LEP: variants seen among roughly 807,000 people sequenced by gnomAD.
LEP encodes the protein leptin (murine obesity homolog).
LEP carries 6 observed loss-of-function variants against 9.8 expected under a neutral mutation model. That is an observed-to-expected ratio of 0.61 (90% CI 0.34 to 1.21). LEP has a LOEUF of 1.21. LEP is among the 50% of genes most tolerant of loss of function. The pLI, the probability that LEP is intolerant of heterozygous loss-of-function variation, is 0.04. For synonymous variants in LEP, 112 were observed against 81.7 expected, an observed-to-expected ratio of 1.37 and a Z score of -2.00; for missense variants, 134 against 198.1, an observed-to-expected ratio of 0.68 and a Z score of 1.94.
At chr7:128,254,282 G>A in intron 2 of LEP, 122 bp from the exon 3 acceptor site, 1 of 1,294,802 alleles carries the variant, frequency 7.7e-7, no homozygotes, top group African/African-American at 1.5e-5. Flanking sequence ...CCAAAGTGGT[G>A]AGGGAGGGTG....
intron 2 of LEP, among the ~76,000 whole-genome samples, chr7:128,252,978 C>A (rs1418152682): frequency 6.6e-6 from 1 of 152,162 alleles, no homozygotes; most frequent in Non-Finnish European, 1.5e-5. Flanking sequence ...CAAGGGGAAA[C>A]CCAGGCCTCA....
chr7:128,253,556 AT>A (rs1244149517), intron 2 of LEP, among the ~76,000 whole-genome samples: 1 of 152,188 alleles, frequency 6.6e-6, no homozygotes, highest in Non-Finnish European at 1.5e-5. Context: ...AGCTAAAGCA[AT>A]TGAATCCTCC....
chr7:128,254,329 C>T (rs1032820234), intron 2 of LEP, 75 bp from the exon 3 acceptor site: 21 of 1,589,934 alleles, frequency 1.3e-5, no homozygotes, highest in Admixed American at 6.7e-5. Flanking sequence ...TCCATGCCCA[C>T]GGGGAAGGCA....
intron 1 of LEP, among the ~76,000 whole-genome samples, chr7:128,250,391 T>A (rs952763109): frequency 2.0e-5 from 3 of 152,260 alleles, no homozygotes; most frequent in African/African-American, 7.2e-5. Context: ...GCAGGGTATT[T>A]GTTTCCAAAT....
At chr7:128,253,063 C>T (rs145691400) in intron 2 of LEP, among the ~76,000 whole-genome samples, 2,190 of 152,238 alleles carry the variant, frequency 0.014, 21 homozygotes, top group Non-Finnish European at 0.022. Context: ...ACCTTCTGCG[C>T]TCGCCTTCCT....
intron 1 of LEP, among the ~76,000 whole-genome samples, chr7:128,243,680 G>A (rs991293577): frequency 2.0e-5 from 3 of 152,158 alleles, no homozygotes; most frequent in Admixed American, 6.5e-5. Context: ...TTCCTGCTGG[G>A]CCAAAGTGAA....
intron 1 of LEP, among the ~76,000 whole-genome samples, chr7:128,242,525 A>C (rs1795163282): frequency 6.6e-6 from 1 of 152,202 alleles, no homozygotes. Flanking sequence ...TCTCTCACTT[A>C]GGCAGGGAGA....
intron 1 of LEP, among the ~76,000 whole-genome samples, chr7:128,249,751 TTG>T (rs1383076667): frequency 6.6e-6 from 1 of 152,134 alleles, no homozygotes; most frequent in Non-Finnish European, 1.5e-5. Flanking sequence ...GTGTTATGTG[TTG>T]TGTGTTGGTG....
chr7:128,254,613 C>T lies in LEP; in HGVS notation c.354C>T (p.His118=), dbSNP rs748689932. Reference sequence around the variant, plus strand: ...TGCTGGCCTTCTCTAAGAGCTGCCACTTGCCCTGGGCCAGTGGCCTGGAGA... The same window carrying T: ...TGCTGGCCTTCTCTAAGAGCTGCCATTTGCCCTGGGCCAGTGGCCTGGAGA... ...LHVLAFSKSC[H]LPWASGLETL... The change falls in exon 3 of 3, where the codon CAC becomes CAT. Residue 118 remains histidine, a synonymous_variant. Transcript: ENST00000308868. The T allele has an allele frequency of 2.0e-5, 32 of 1,614,236 alleles. No homozygotes were observed. Among genetic ancestry groups the T allele is most frequent in the Non-Finnish European group, 2.7e-5 (32 of 1,180,050 alleles).
Position 128,254,646 on chromosome 7 carries a change from C to T in LEP, c.387C>T (p.Asp129=). Residue 129 remains aspartate (D), a synonymous_variant, in exon 3 of 3, where the codon GAC becomes GAT. Transcript: ENST00000308868. Reference sequence around the variant, plus strand: ...GGGCCAGTGGCCTGGAGACCTTGGACAGCCTGGGGGGTGTCCTGGAAGCTT... The same window carrying T: ...GGGCCAGTGGCCTGGAGACCTTGGATAGCCTGGGGGGTGTCCTGGAAGCTT... ...LPWASGLETL[D]SLGGVLEASG... 6.2e-7 allele frequency: 1 copy of T among 1,614,164 alleles called. No homozygotes were observed. Among genetic ancestry groups the T allele is most frequent in the Non-Finnish European group, 8.5e-7 (1 of 1,180,024 alleles).
intron 1 of LEP, among the ~76,000 whole-genome samples, chr7:128,247,789 A>T (rs1335417919): frequency 6.6e-6 from 1 of 152,138 alleles, no homozygotes; most frequent in Non-Finnish European, 1.5e-5. Flanking sequence ...CAGCCACATA[A>T]CATCGACAGG....
Position 128,255,672 on chromosome 7 carries a change from T to C in LEP, c.*909T>C, listed in dbSNP as rs1422921759. ...TCTGAATAACATTTGTGTGGTGGGTTCTTTGGAAGGAGTGAGATCATTTTC... is the reference window on the plus strand; with the variant it reads ...TCTGAATAACATTTGTGTGGTGGGTCCTTTGGAAGGAGTGAGATCATTTTC... On this transcript the variant is annotated 3_prime_UTR_variant, in exon 3 of 3. Coordinates refer to ENST00000308868, the MANE Select transcript of LEP (RefSeq NM_000230.3). 1.3e-5 allele frequency: 2 copies of C among 152,170 alleles called. No individual in the cohort carries two copies. Among genetic ancestry groups the C allele is most frequent in the African/African-American group, 2.4e-5 (1 of 41,424 alleles). The allele number at this position is 152,170 out of a possible 1,614,324, so 9.4% of individuals were successfully genotyped here. A position where few individuals can be genotyped will look rare whatever the true frequency, so the allele number is the denominator to read the frequency against.
chr7:128,242,004 G>A (rs189036735), intron 1 of LEP, among the ~76,000 whole-genome samples: 2 of 152,354 alleles, frequency 1.3e-5, no homozygotes, highest in African/African-American at 4.8e-5. Flanking sequence ...TTCTAGCCAG[G>A]ACTGCTAAAT....
Position 128,254,655 on chromosome 7 carries a change from G to A in LEP, c.396G>A (p.Gly132=). Residue 132 remains glycine (G), a synonymous_variant, in exon 3 of 3, where the codon GGG becomes GGA. Coordinates refer to ENST00000308868, the MANE Select transcript of LEP (RefSeq NM_000230.3). ...ASGLETLDSL[G]GVLEASGYST... is the part of the protein sequence containing the mutation. The stretch of plus-strand genomic sequence containing the variant: ...GCCTGGAGACCTTGGACAGCCTGGG[G>A]GGTGTCCTGGAAGCTTCAGGCTACT... 6.2e-7 allele frequency: 1 copy of A among 1,614,140 alleles called. No individual in the cohort carries two copies. Among genetic ancestry groups the A allele is most frequent in the Non-Finnish European group, 8.5e-7 (1 of 1,180,028 alleles).
At chr7:128,253,136 G>A (rs1169581800) in intron 2 of LEP, among the ~76,000 whole-genome samples, 4 of 152,118 alleles carry the variant, frequency 2.6e-5, no homozygotes, top group African/African-American at 9.7e-5. Context: ...AGTTCCTTGT[G>A]TCCCATTGGC....
rs141046416 is a variant in LEP at position 128,243,323 on chromosome 7, C to T, written c.-29+2017C>T. On this transcript the variant is annotated intron_variant, in intron 1 of 2. Coordinates refer to ENST00000308868, the MANE Select transcript of LEP (RefSeq NM_000230.3). ...ACTAATATCATAGGAGATTTAGTCT[C>T]CATCTGGGTGTACATTACATTTGCT... is the stretch of plus-strand genomic sequence containing the variant. Among the ~76,000 whole-genome samples the T allele has an allele frequency of 1.8e-3, 270 of 152,278 alleles. 1 individual carries two copies. The highest frequency in any genetic ancestry group is 6.2e-3 in the African/African-American group (258 of 41,538).
At chr7:128,253,170 C>G (rs1795295505) in intron 2 of LEP, among the ~76,000 whole-genome samples, 1 of 152,182 alleles carries the variant, frequency 6.6e-6, no homozygotes, top group South Asian at 2.1e-4. Flanking sequence ...CCAGAAGCAT[C>G]TCCTCAGGGC....
chr7:128,251,922 T>C, intron 1 of LEP, 69 bp from the exon 2 acceptor site: 1 of 1,242,424 alleles, frequency 8.0e-7, no homozygotes, highest in Non-Finnish European at 1.2e-6. Context: ...GTAATGTGGT[T>C]GGTAATGTGA....
In LEP at chr7:128,252,014, G is replaced by A; in HGVS notation, c.-5G>A. 6.2e-7 allele frequency: 1 copy of A among 1,614,224 alleles called. No homozygotes were observed. Among genetic ancestry groups the A allele is most frequent in the Non-Finnish European group, 8.5e-7 (1 of 1,180,028 alleles). On this transcript the variant is annotated 5_prime_UTR_variant, in exon 2 of 3. Coordinates refer to ENST00000308868, the MANE Select transcript of LEP (RefSeq NM_000230.3). Reference sequence around the variant, plus strand: ...AGGCCCAAGAAGCCCATCCTGGGAAGGAAAATGCATTGGGGAACCCTGTGC... The same window carrying A: ...AGGCCCAAGAAGCCCATCCTGGGAAAGAAAATGCATTGGGGAACCCTGTGC...
Sources: allele counts gnomAD v4.1 joint callset (sites outside exome capture counted in the v4.1 genomes callset), GRCh38; gene constraint gnomAD v4.1.1; transcripts MANE v1.5; gene names NCBI Gene and HGNC (gene_info 2026-07-23, HGNC 2026-07-21).